The following TEX2 variants were observed in gnomAD, a reference collection of about 807,000 sequenced individuals.
The protein encoded by TEX2 is testis-expressed protein 2.
In TEX2, 53 loss-of-function variants were observed where a neutral mutation model predicts 106.9. The observed-to-expected ratio is 0.50, with a 90% CI of 0.40 to 0.62. TEX2 has a LOEUF of 0.62. Among genes scored for constraint, TEX2 ranks in the 20% least tolerant of loss-of-function variants. The probability of loss-of-function intolerance (pLI) is 0.00; values close to 1 mark genes in which losing one functional copy is unlikely to be tolerated. For missense variants in TEX2, 1,207 were observed against 1,379.0 expected (o/e 0.88, Z 1.98); for synonymous variants, 523 against 534.8 (o/e 0.98, Z 0.30).
intron 2 of TEX2, among the ~76,000 whole-genome samples, chr17:64,212,089 A>T (rs1003380763): frequency 6.6e-6 from 1 of 152,232 alleles, no homozygotes; most frequent in Non-Finnish European, 1.5e-5. Flanking sequence ...GCAGTGAAAG[A>T]TGACATCTTT....
intron 5 of TEX2, among the ~76,000 whole-genome samples, chr17:64,179,764 T>A (rs1375487931): frequency 1.2e-5 from 1 of 82,320 alleles, no homozygotes; most frequent in African/African-American, 4.5e-5. Context: ...TTGGTGAGTC[T>A]CATTTAAAAA....
intron 1 of TEX2, among the ~76,000 whole-genome samples, chr17:64,225,897 T>C (rs995226846): frequency 6.6e-6 from 1 of 152,092 alleles, no homozygotes; most frequent in African/African-American, 2.4e-5. Flanking sequence ...TTTGTATTTT[T>C]AGTAGAAACA....
intron 2 of TEX2, among the ~76,000 whole-genome samples, chr17:64,201,037 G>C (rs1395608029): frequency 6.6e-6 from 1 of 152,136 alleles, no homozygotes; most frequent in Non-Finnish European, 1.5e-5. Context: ...CACATTTATT[G>C]TGAACAATCA....
Position 64,185,448 on chromosome 17 carries a change from A to AT in TEX2, c.2424+2719dup, listed in dbSNP as rs2032037628. On this transcript the variant is annotated intron_variant, in intron 5 of 11. Transcript: ENST00000584379. The surrounding 1 kb of genome is among the most constrained non-coding windows in gnomAD (Gnocchi z 4.0). ...AAGTGGTACCATTGCACTTTCAGAC[A>AT]TTTTTTAAAAAAGAGTTCCCTTGTT... 1.3e-5 allele frequency among the ~76,000 whole-genome samples: 2 copies of AT among 152,088 alleles called. No homozygotes were observed. The highest frequency in any genetic ancestry group is 2.9e-5 in the Non-Finnish European group (2 of 68,018).
At position 64,197,992 on chromosome 17, in the gene TEX2, G is replaced by A. The variant is rs79090070; in HGVS notation, c.1645-2897C>T. Reference sequence around the variant, plus strand: ...TTTTCCCTTATGACTTTATCTTTAGGCCCACAGGCTGTTTAGAAGTATTTT... The same window carrying A: ...TTTTCCCTTATGACTTTATCTTTAGACCCACAGGCTGTTTAGAAGTATTTT... On this transcript the variant is annotated intron_variant, in intron 2 of 11. Transcript: ENST00000584379. Among the ~76,000 whole-genome samples, 1,181 of 151,956 alleles carry A rather than the reference G, an allele frequency of 7.8e-3. 16 individuals carry two copies. Among genetic ancestry groups the A allele is most frequent in the African/African-American group, 0.027 (1,106 of 41,428 alleles).
intron 6 of TEX2, among the ~76,000 whole-genome samples, chr17:64,171,518 G>A (rs1415785507): frequency 2.0e-5 from 3 of 152,036 alleles, no homozygotes; most frequent in Admixed American, 1.3e-4. Context: ...GGGAACACGG[G>A]GGTGGCTGTT....
intron 1 of TEX2, among the ~76,000 whole-genome samples, chr17:64,249,805 A>C (rs1365741138): frequency 6.6e-6 from 1 of 152,154 alleles, no homozygotes; most frequent in Non-Finnish European, 1.5e-5. Context: ...CTTAAGACAA[A>C]AGCTAGGCTG....
At chr17:64,203,572 T>C (rs1567938745) in intron 2 of TEX2, among the ~76,000 whole-genome samples, 2 of 152,110 alleles carry the variant, frequency 1.3e-5, no homozygotes, top group Admixed American at 6.5e-5. Flanking sequence ...TTTGAGAATA[T>C]GGCAGGGGTG....
At chr17:64,251,704 C>T (rs142499479) in intron 1 of TEX2, among the ~76,000 whole-genome samples, 2 of 152,184 alleles carry the variant, frequency 1.3e-5, no homozygotes, top group African/African-American at 2.4e-5. Context: ...GGAAGCCTCC[C>T]CATCTGCAGG....
chr17:64,189,641 A>G (rs2032219958), intron 4 of TEX2, among the ~76,000 whole-genome samples: 1 of 152,132 alleles, frequency 6.6e-6, no homozygotes, highest in African/African-American at 2.4e-5. Context: ...GATGCTAACA[A>G]TTTTATTTAG....
chr17:64,233,487 C>T (rs1408618564), intron 1 of TEX2, among the ~76,000 whole-genome samples: 2 of 152,116 alleles, frequency 1.3e-5, no homozygotes, highest in African/African-American at 4.8e-5. Flanking sequence ...GCAGGAGAAT[C>T]GCTTGAACTT....
chr17:64,193,893 C>T lies in TEX2; in HGVS notation c.1846-4G>A. 1 of 1,509,744 alleles carries T rather than the reference C, an allele frequency of 6.6e-7. No individual in the cohort carries two copies. The highest frequency in any genetic ancestry group is 8.9e-7 in the Non-Finnish European group (1 of 1,124,822). 93.5% of individuals were successfully genotyped at this position (1,509,744 alleles called of 1,614,324 possible). A position where few individuals can be genotyped will look rare whatever the true frequency, so the allele number is the denominator to read the frequency against. On this transcript the variant is annotated splice_region_variant and splice_polypyrimidine_tract_variant and intron_variant, in intron 3 of 11. Coordinates refer to ENST00000584379, the MANE Select transcript of TEX2 (RefSeq NM_001288732.2). Reference sequence around the variant, plus strand: ...AAGTTTTAGGTACAAGATAAATCTACAGAGAAAGAAAAATGATGATTTATA... The same window carrying T: ...AAGTTTTAGGTACAAGATAAATCTATAGAGAAAGAAAAATGATGATTTATA...
chr17:64,189,578 C>G (rs979129564), intron 4 of TEX2, among the ~76,000 whole-genome samples: 2 of 152,128 alleles, frequency 1.3e-5, no homozygotes, highest in African/African-American at 4.8e-5. Context: ...AAGCCAACCT[C>G]GAATTTAATA....
chr17:64,262,179 G>A (rs1298436275), intron 1 of TEX2, among the ~76,000 whole-genome samples: 6 of 152,200 alleles, frequency 3.9e-5, no homozygotes, highest in African/African-American at 1.4e-4. Context: ...AACGTGGCAC[G>A]AGCCCTGCCC....
intron 1 of TEX2, among the ~76,000 whole-genome samples, chr17:64,233,815 G>A (rs1340235479): frequency 6.6e-6 from 1 of 152,170 alleles, no homozygotes; most frequent in African/African-American, 2.4e-5. Flanking sequence ...TAAAATATCT[G>A]AAGAATCAGA....
intron 6 of TEX2, among the ~76,000 whole-genome samples, chr17:64,173,175 A>G (rs774188545): frequency 6.6e-6 from 1 of 152,178 alleles, no homozygotes; most frequent in Non-Finnish European, 1.5e-5. Flanking sequence ...ACCAGTATCA[A>G]ACTGCTTTGA....
chr17:64,211,602 T>C (rs181488755), intron 2 of TEX2, among the ~76,000 whole-genome samples: 226 of 152,288 alleles, frequency 1.5e-3, no homozygotes, highest in Non-Finnish European at 2.3e-3. Context: ...AATCTAGAGA[T>C]GATTTAAAAG....
chr17:64,184,051 T>C (rs1237461121), intron 5 of TEX2, among the ~76,000 whole-genome samples: 1 of 152,234 alleles, frequency 6.6e-6, no homozygotes, highest in Non-Finnish European at 1.5e-5. Flanking sequence ...TGTGCTTGCT[T>C]ATTTGGGCGT....
intron 7 of TEX2, among the ~76,000 whole-genome samples, chr17:64,161,390 A>T (rs2030876472): frequency 6.6e-6 from 1 of 152,336 alleles, no homozygotes; most frequent in South Asian, 2.1e-4. Context: ...GACACATATG[A>T]GAACCGCTGT....
Sources: allele counts gnomAD v4.1 joint callset (sites outside exome capture counted in the v4.1 genomes callset), GRCh38; gene constraint gnomAD v4.1.1; non-coding constraint Gnocchi (gnomAD v3.1); transcripts MANE v1.5; gene names NCBI Gene and HGNC (gene_info 2026-07-23, HGNC 2026-07-21).